Variants in ADAMTS19 observed in about 807,000 individuals in gnomAD.
ADAMTS19 encodes the protein A disintegrin and metalloproteinase with thrombospondin motifs 19.
In ADAMTS19, 93 loss-of-function variants were observed where a neutral mutation model predicts 153.3. That is an observed-to-expected ratio of 0.61 (90% CI 0.51 to 0.72). ADAMTS19 has a LOEUF of 0.72. Among genes scored for constraint, ADAMTS19 ranks in the 30% least tolerant of loss-of-function variants. ADAMTS19 has a pLI of 0.00. For synonymous variants in ADAMTS19, 600 were observed against 556.6 expected, an observed-to-expected ratio of 1.08 and a Z score of -1.10; for missense variants, 1,482 against 1,552.1, an observed-to-expected ratio of 0.95 and a Z score of 0.76.
intron 2 of ADAMTS19, among the ~76,000 whole-genome samples, chr5:129,466,630 AAATAAT>A (rs1358687109): frequency 6.6e-6 from 1 of 152,166 alleles, no homozygotes; most frequent in Admixed American, 6.5e-5. Context: ...AATGAATATA[AAATAAT>A]AATAATAAAA....
chr5:129,570,118 A>G (rs1369630514), intron 7 of ADAMTS19, among the ~76,000 whole-genome samples: 1 of 151,960 alleles, frequency 6.6e-6, no homozygotes, highest in Non-Finnish European at 1.5e-5. Flanking sequence ...TGGAATAGCA[A>G]TAGTGAAAAT....
At chr5:129,723,937 T>C (rs1239160750) in intron 21 of ADAMTS19, among the ~76,000 whole-genome samples, 1 of 152,222 alleles carries the variant, frequency 6.6e-6, no homozygotes. Flanking sequence ...TTCAAAGATG[T>C]TCTGATTGGC....
At chr5:129,549,394 C>G (rs1189121469) in intron 6 of ADAMTS19, among the ~76,000 whole-genome samples, 1 of 151,368 alleles carries the variant, frequency 6.6e-6, no homozygotes, top group African/African-American at 2.4e-5. Flanking sequence ...AGAGATAGGA[C>G]AAGCAAATAT....
At chr5:129,722,763 A>G (rs1284590458) in intron 21 of ADAMTS19, among the ~76,000 whole-genome samples, 2 of 152,242 alleles carry the variant, frequency 1.3e-5, no homozygotes, top group East Asian at 3.9e-4. Flanking sequence ...TAAGTAATAC[A>G]ATTTCAGGAG....
chr5:129,549,375 CAA>C (rs1328327201), intron 6 of ADAMTS19, among the ~76,000 whole-genome samples: 3 of 150,972 alleles, frequency 2.0e-5, no homozygotes, highest in African/African-American at 7.3e-5. Context: ...ATGTTGAAAA[CAA>C]AATGAAAGAG....
At chr5:129,477,567 A>G (rs1750266571) in intron 2 of ADAMTS19, among the ~76,000 whole-genome samples, 1 of 152,238 alleles carries the variant, frequency 6.6e-6, no homozygotes, top group African/African-American at 2.4e-5. Flanking sequence ...GCTTTGGAGT[A>G]ACATACTAAA....
Position 129,631,430 on chromosome 5 carries a change from A to G in ADAMTS19, c.1770+9082A>G, listed in dbSNP as rs562749491. The stretch of plus-strand genomic sequence containing the variant: ...TGTATGGATGTTCTAATAATTGCTA[A>G]AGTGGGGAATTTAAATATCCTACTA... On this transcript the variant is annotated intron_variant, in intron 10 of 22. Transcript: ENST00000274487. 6.6e-4 allele frequency among the ~76,000 whole-genome samples: 101 copies of G among 152,040 alleles called. 1 individual carries two copies. The highest frequency in any genetic ancestry group is 1.9e-4 in the East Asian group (1 of 5,172).
rs1753138965 is a variant in ADAMTS19, at chr5:129,551,974, AG to A, written c.1372+69del. ...TTGAACATATCACTTGTTTAAGTAT[AG>A]GAAATTATTTGTGTTCTGGTTATAA... On this transcript the variant is annotated intron_variant, in intron 7 of 22. Transcript: ENST00000274487. 2.9e-6 allele frequency: 3 copies of A among 1,031,080 alleles called. No individual in the cohort carries two copies. In the East Asian group the frequency reaches 8.2e-5, roughly 28 times the overall value. 63.9% of individuals were successfully genotyped at this position (1,031,080 alleles called of 1,614,324 possible). A position where few individuals can be genotyped will look rare whatever the true frequency, so the allele number is the denominator to read the frequency against.
chr5:129,519,673 C>G (rs1335910829), intron 3 of ADAMTS19, among the ~76,000 whole-genome samples: 1 of 151,162 alleles, frequency 6.6e-6, no homozygotes, highest in Non-Finnish European at 1.5e-5. Context: ...AGACAGGAAG[C>G]GGAAAGATTT....
chr5:129,573,313 T>C (rs751630458), intron 7 of ADAMTS19, among the ~76,000 whole-genome samples: 1 of 152,052 alleles, frequency 6.6e-6, no homozygotes, highest in Non-Finnish European at 1.5e-5. Context: ...GTTGTTCCTT[T>C]CTCCCTTTAT....
intron 2 of ADAMTS19, among the ~76,000 whole-genome samples, chr5:129,492,506 A>AGTGTGT (rs148015134): frequency 0.017 from 2,514 of 146,432 alleles, 68 homozygotes; most frequent in African/African-American, 0.047. Context: ...ATTAAAGGTC[A>AGTGTGT]GTGTGTGTGT....
intron 2 of ADAMTS19, among the ~76,000 whole-genome samples, chr5:129,495,704 C>T (rs986466103): frequency 4.6e-5 from 7 of 152,016 alleles, no homozygotes; most frequent in Non-Finnish European, 1.0e-4. Flanking sequence ...GAATTTGGAA[C>T]CAACTTACCC....
intron 2 of ADAMTS19, among the ~76,000 whole-genome samples, chr5:129,502,749 T>A (rs1751144327): frequency 6.6e-6 from 1 of 152,168 alleles, no homozygotes; most frequent in South Asian, 2.1e-4. Context: ...GATGGATACA[T>A]TTTCTGTTAT....
Position 129,662,185 on chromosome 5 carries a change from T to C in ADAMTS19, c.2426-3314T>C, listed in dbSNP as rs1000671704. 8.5e-5 allele frequency among the ~76,000 whole-genome samples: 13 copies of C among 152,366 alleles called. No homozygotes were observed. In the East Asian group the frequency reaches 2.5e-3, roughly 29 times the overall value. On this transcript the variant is annotated intron_variant, in intron 15 of 22. Transcript: ENST00000274487. ...CAAAATATGGCGTTTGTTACTTCGCTGTTGCCATGAAGATGAAGATTGCTA... is the reference window on the plus strand; with the variant it reads ...CAAAATATGGCGTTTGTTACTTCGCCGTTGCCATGAAGATGAAGATTGCTA...
chr5:129,637,560 T>C (rs1343682087), intron 10 of ADAMTS19, among the ~76,000 whole-genome samples: 1 of 152,030 alleles, frequency 6.6e-6, no homozygotes, highest in East Asian at 1.9e-4. Context: ...AAAAACCAAA[T>C]AATGCCAGGC....
intron 3 of ADAMTS19, among the ~76,000 whole-genome samples, chr5:129,519,936 T>A (rs947655262): frequency 6.6e-6 from 1 of 152,092 alleles, no homozygotes; most frequent in Non-Finnish European, 1.5e-5. Context: ...CACAACAACC[T>A]GAATATGGTA....
chr5:129,530,449 A>G (rs1752159672), intron 6 of ADAMTS19, among the ~76,000 whole-genome samples: 1 of 152,184 alleles, frequency 6.6e-6, no homozygotes, highest in Non-Finnish European at 1.5e-5. Context: ...AAAAATTTCC[A>G]TCAGCCAGTG....
intron 2 of ADAMTS19, among the ~76,000 whole-genome samples, chr5:129,502,647 G>T (rs1252835607): frequency 6.6e-6 from 1 of 152,182 alleles, no homozygotes; most frequent in East Asian, 1.9e-4. Flanking sequence ...ACACAAGGAA[G>T]CCAACATTGG....
chr5:129,629,232 A>G (rs967949963), intron 10 of ADAMTS19, among the ~76,000 whole-genome samples: 4 of 152,136 alleles, frequency 2.6e-5, no homozygotes, highest in African/African-American at 7.2e-5. Flanking sequence ...ACTCATGTAG[A>G]TAACATGATA....
Sources: gnomAD v4.1 joint callset for allele counts (sites outside exome capture counted in the v4.1 genomes callset) on GRCh38, gnomAD v4.1.1 for gene constraint, MANE v1.5 for transcripts, NCBI Gene and HGNC (gene_info 2026-07-23, HGNC 2026-07-21) for gene names.